The following GLYAT variants were observed in gnomAD, a reference collection of about 807,000 sequenced individuals.
The protein encoded by GLYAT is glycine-N-acyltransferase.
In GLYAT, 25 loss-of-function variants were observed where a neutral mutation model predicts 22.8. That is an observed-to-expected ratio of 1.09 (90% CI 0.80 to 1.53). The LOEUF is 1.53. Ranked by LOEUF, GLYAT falls within the 40% of genes most tolerant of loss-of-function variation. GLYAT has a pLI of 0.00. For missense variants in GLYAT, 411 were observed against 353.9 expected, an observed-to-expected ratio of 1.16 and a Z score of -1.29; for synonymous variants, 140 against 122.7, an observed-to-expected ratio of 1.14 and a Z score of -0.93.
rs1444807080 is a variant in GLYAT at position 58,715,331 on chromosome 11, G to A, written c.174C>T (p.Val58=). The A allele has an allele frequency of 1.3e-6, 2 of 1,526,150 alleles. No individual in the cohort carries two copies. The highest frequency in any genetic ancestry group is 1.1e-5 in the South Asian group (1 of 89,214). 94.5% of individuals were successfully genotyped at this position (1,526,150 alleles called of 1,614,324 possible). Residue 58 remains valine (V), a synonymous_variant, in exon 3 of 6, where the codon GTC becomes GTT. Coordinates refer to ENST00000344743, the MANE Select transcript of GLYAT (RefSeq NM_201648.3). ...DKWPDFNTVV[V]CPQEQDMTDD... ...GGAAACTTACCTGCTCCTGAGGGCA[G>A]ACAACCACTGTATTAAAATCAGGCC...
chr11:58,717,187 G>A (rs1253147587), intron 2 of GLYAT, among the ~76,000 whole-genome samples: 2 of 152,170 alleles, frequency 1.3e-5, no homozygotes, highest in African/African-American at 4.8e-5. Flanking sequence ...TTTGGAGAAA[G>A]CATTTAACAA....
At position 58,709,832 on chromosome 11, in the gene GLYAT, C is replaced by T. The variant is rs750008049; in HGVS notation, c.825G>A (p.Met275Ile). The T allele has an allele frequency of 3.7e-6, 6 of 1,613,834 alleles. No homozygotes were observed. The highest frequency in any genetic ancestry group is 8.5e-7 in the Non-Finnish European group (1 of 1,179,834). ...VDYSNEAMQK[M>I]SYTLQHVPIP... ...TGGGAACATGTTGCAGTGTGTAACTCATTTTTTGCATAGCTTCATTGCTGT... is the reference window on the plus strand; with the variant it reads ...TGGGAACATGTTGCAGTGTGTAACTTATTTTTTGCATAGCTTCATTGCTGT... The change falls in exon 6 of 6, where the codon ATG (methionine) becomes ATA (isoleucine). Residue 275 changes from methionine (M) to isoleucine (I), a missense_variant. Physicochemically the swap from Met to Ile is conservative, Grantham distance 10. Transcript: ENST00000344743.
intron 2 of GLYAT, among the ~76,000 whole-genome samples, chr11:58,716,917 T>A (rs985933188): frequency 5.9e-5 from 9 of 152,116 alleles, no homozygotes; most frequent in African/African-American, 1.9e-4. Flanking sequence ...GTGGGACTTC[T>A]TGAAGCAAGG....
rs1433801095 is a variant in GLYAT, at chr11:58,712,804, C to T, written c.272G>A (p.Gly91Glu). The change falls in exon 4 of 6, where the codon GGA (glycine) becomes GAA (glutamate). Residue 91 changes from glycine (G) to glutamate (E), a missense_variant. Gly to Glu is a moderately conservative substitution (Grantham distance 98). Coordinates refer to ENST00000344743, the MANE Select transcript of GLYAT (RefSeq NM_201648.3). ...TTTCCAGTTGATGAGTTCTGGTGATCCAAGGAATTCCTGACAGTTTTGGGG... is the reference window on the plus strand; with the variant it reads ...TTTCCAGTTGATGAGTTCTGGTGATTCAAGGAATTCCTGACAGTTTTGGGG... Reference protein sequence around the residue: ...KDPQNCQEFLGSPELINWKQH... With the variant: ...KDPQNCQEFLESPELINWKQH... 3.7e-6 allele frequency: 6 copies of T among 1,612,210 alleles called. No individual in the cohort carries two copies. Among genetic ancestry groups the T allele is most frequent in the Non-Finnish European group, 5.1e-6 (6 of 1,178,612 alleles).
chr11:58,711,130 T>C (rs1856611865), intron 4 of GLYAT, among the ~76,000 whole-genome samples: 1 of 152,234 alleles, frequency 6.6e-6, no homozygotes, highest in African/African-American at 2.4e-5. Flanking sequence ...CAAGCAAGCA[T>C]TAGGCCATAG....
chr11:58,717,008 G>A (rs1379828359), intron 2 of GLYAT, among the ~76,000 whole-genome samples: 2 of 152,116 alleles, frequency 1.3e-5, no homozygotes, highest in African/African-American at 4.8e-5. Flanking sequence ...TTGAGTTTCT[G>A]ATTAGCCTTT....
chr11:58,711,669 A>G (rs903697629), intron 4 of GLYAT, among the ~76,000 whole-genome samples: 2 of 152,182 alleles, frequency 1.3e-5, no homozygotes, highest in Non-Finnish European at 2.9e-5. Context: ...GGTAGGTAAC[A>G]TCTACTAAGC....
intron 2 of GLYAT, among the ~76,000 whole-genome samples, chr11:58,724,004 G>A (rs1360661378): frequency 1.3e-5 from 2 of 151,908 alleles, no homozygotes; most frequent in African/African-American, 2.4e-5. Flanking sequence ...GTGTCCTTTT[G>A]TAATAAACAA....
At chr11:58,713,269 C>A (rs611013) in intron 3 of GLYAT, among the ~76,000 whole-genome samples, 142,683 of 152,112 alleles carry the variant, frequency 0.94, 67,147 homozygotes, top group Middle Eastern at 0.99. Context: ...TTTCTGAATT[C>A]TTTAAATAAT....
chr11:58,726,181 T>G (rs74958360), intron 1 of GLYAT, among the ~76,000 whole-genome samples: 1 of 152,006 alleles, frequency 6.6e-6, no homozygotes, highest in Non-Finnish European at 1.5e-5. Flanking sequence ...TTGCCTGACA[T>G]ATCTGGGTGT....
chr11:58,722,528 G>A (rs950697798), intron 2 of GLYAT, among the ~76,000 whole-genome samples: 8 of 152,040 alleles, frequency 5.3e-5, no homozygotes, highest in Admixed American at 1.3e-4. Context: ...TTGAAGCAGG[G>A]AGAAAGCTTT....
At chr11:58,726,012 C>G (rs1856808186) in intron 1 of GLYAT, among the ~76,000 whole-genome samples, 1 of 152,136 alleles carries the variant, frequency 6.6e-6, no homozygotes, top group African/African-American at 2.4e-5. Flanking sequence ...ATGCTTAAGC[C>G]TGCTTGCCCA....
intron 1 of GLYAT, among the ~76,000 whole-genome samples, chr11:58,725,925 G>T (rs932772586): frequency 6.6e-6 from 1 of 151,982 alleles, no homozygotes; most frequent in Admixed American, 6.6e-5. Context: ...CTAACTTAAG[G>T]CATTCTCCCT....
chr11:58,716,202 G>T (rs1202568852), intron 2 of GLYAT, among the ~76,000 whole-genome samples: 2 of 152,112 alleles, frequency 1.3e-5, no homozygotes, highest in Admixed American at 6.6e-5. Flanking sequence ...CAGACAGTAA[G>T]TGTCCTTATG....
chr11:58,723,231 A>C (rs1448043308), intron 2 of GLYAT, among the ~76,000 whole-genome samples: 3 of 152,122 alleles, frequency 2.0e-5, no homozygotes, highest in Admixed American at 2.0e-4. Context: ...ACAGTGTCTT[A>C]ACTAATATGC....
chr11:58,709,442 G>A lies in GLYAT; in HGVS notation c.*324C>T, dbSNP rs999299067. On this transcript the variant is annotated 3_prime_UTR_variant, in exon 6 of 6. Transcript: ENST00000344743. ...CTAGCTCCCAGAAAAACTGGCAAGG[G>A]TCTTGCAACTGAGGAACCAGGGATT... The A allele has an allele frequency of 4.8e-6, 1 of 206,306 alleles. No homozygotes were observed. Among genetic ancestry groups the A allele is most frequent in the Admixed American group, 5.3e-5 (1 of 18,758 alleles). The allele number at this position is 206,306 out of a possible 1,614,324, so 12.8% of individuals were successfully genotyped here.
intron 2 of GLYAT, among the ~76,000 whole-genome samples, chr11:58,716,048 T>C (rs918427968): frequency 1.3e-5 from 2 of 152,156 alleles, no homozygotes; most frequent in Non-Finnish European, 2.9e-5. Flanking sequence ...GCAGAGACTA[T>C]AGCCTATTGC....
rs914887703 is a variant in GLYAT, at chr11:58,710,388, C to T, written c.488+202G>A. ...AAAGGTCCAAGTGGTAGCCAGAGGC[C>T]TGGTTTATTCTAGATGAGAAGGGAG... On this transcript the variant is annotated intron_variant, in intron 5 of 5. Coordinates refer to ENST00000344743, the MANE Select transcript of GLYAT (RefSeq NM_201648.3). 5 of 766,860 alleles carry T rather than the reference C, an allele frequency of 6.5e-6. No individual in the cohort carries two copies. In the African/African-American group the frequency reaches 8.8e-5, roughly 13 times the overall value. 47.5% of individuals were successfully genotyped at this position (766,860 alleles called of 1,614,324 possible).
chr11:58,724,134 A>C, intron 2 of GLYAT: 1 of 287,902 alleles, frequency 3.5e-6, no homozygotes, highest in Admixed American at 5.0e-5. Flanking sequence ...AGCACAGAGC[A>C]AAAGGCAGTG....
Sources: gnomAD v4.1 joint callset for allele counts (sites outside exome capture counted in the v4.1 genomes callset) on GRCh38, gnomAD v4.1.1 for gene constraint, MANE v1.5 for transcripts, NCBI Gene and HGNC (gene_info 2026-07-23, HGNC 2026-07-21) for gene names.